SERPINF1: variants seen among roughly 807,000 people sequenced by gnomAD.
SERPINF1 encodes the protein serpin family F member 1.
SERPINF1 carries 29 observed loss-of-function variants against 37.3 expected under a neutral mutation model. The ratio of observed to expected loss-of-function variants is 0.78; its 90% confidence interval spans 0.58 to 1.06. SERPINF1 has a LOEUF of 1.06. SERPINF1 is among the 50% of genes least tolerant of loss of function. The pLI is 0.00. For missense variants in SERPINF1, 553 were observed against 532.2 expected (o/e 1.04, Z -0.38); for synonymous variants, 281 against 227.9 (o/e 1.23, Z -2.10).
chr17:1,772,522 A>AT (rs1885399323), intron 5 of SERPINF1, among the ~76,000 whole-genome samples: 1 of 152,014 alleles, frequency 6.6e-6, no homozygotes, highest in African/African-American at 2.4e-5. Context: ...AAGTGCTGGG[A>AT]TTACAGGCAT....
intron 4 of SERPINF1, 178 bp from the exon 5 acceptor site, chr17:1,771,694 G>A (rs1907744573): frequency 3.0e-6 from 2 of 672,758 alleles, no homozygotes; most frequent in South Asian, 1.6e-5. Context: ...GAAATCTGCT[G>A]CCCCCCTGGC....
rs528764546 is a variant in SERPINF1 at position 1,776,877 on chromosome 17, T to G, written c.997+135T>G. 3 of 844,216 alleles carry G rather than the reference T, an allele frequency of 3.6e-6. No individual in the cohort carries two copies. The East Asian group carries it at 7.7e-5, about 22-fold the overall frequency. The allele number at this position is 844,216 out of a possible 1,614,324, so 52.3% of individuals were successfully genotyped here. ...GCCGTGGATGAGTCCTTAATCCTCA[T>G]CGTGCCAGAAGGGAAGGCTGAACTG... On this transcript the variant is annotated intron_variant, in intron 7 of 7. Coordinates refer to ENST00000254722, the MANE Select transcript of SERPINF1 (RefSeq NM_002615.7).
intron 5 of SERPINF1, among the ~76,000 whole-genome samples, chr17:1,772,278 G>A (rs569753365): frequency 1.3e-4 from 20 of 151,430 alleles, no homozygotes; most frequent in African/African-American, 4.1e-4. Flanking sequence ...CACCACTCCC[G>A]GCTAATTTTT....
At chr17:1,777,055 C>A in intron 7 of SERPINF1, 132 bp from the exon 8 acceptor site, 2 of 1,414,598 alleles carry the variant, frequency 1.4e-6, no homozygotes, top group Non-Finnish European at 2.0e-6. Context: ...CACCCTCGGT[C>A]AGCTCAGACC....
intron 3 of SERPINF1, 43 bp downstream of exon 3, chr17:1,770,093 GC>G (rs746773678): frequency 3.1e-6 from 5 of 1,600,718 alleles, no homozygotes; most frequent in Admixed American, 1.7e-5. Context: ...ACCTGGAGAG[GC>G]CCCCTGTGGC....
At position 1,777,412 on chromosome 17, in the gene SERPINF1, T is replaced by G; in HGVS notation, c.1223T>G (p.Phe408Cys). 2 of 1,614,120 alleles carry G rather than the reference T, an allele frequency of 1.2e-6. No homozygotes were observed. The highest frequency in any genetic ancestry group is 8.5e-7 in the Non-Finnish European group (1 of 1,180,022). Residue 408 changes from phenylalanine to cysteine, a missense_variant, in exon 8 of 8, where the codon TTC becomes TGC. By Grantham distance (205) the Phe-to-Cys change is radical. Coordinates refer to ENST00000254722, the MANE Select transcript of SERPINF1 (RefSeq NM_002615.7). The part of the protein sequence containing the change: ...LRDTDTGALL[F>C]IGKILDPRGP ...GACACAGACACAGGGGCCCTTCTCTTCATTGGCAAGATTCTGGACCCCAGG... is the reference window on the plus strand; with the variant it reads ...GACACAGACACAGGGGCCCTTCTCTGCATTGGCAAGATTCTGGACCCCAGG...
intron 3 of SERPINF1, 126 bp from the exon 4 acceptor site, chr17:1,770,903 T>C: frequency 1.6e-6 from 2 of 1,217,480 alleles, no homozygotes; most frequent in South Asian, 1.2e-5. Context: ...TAGATTGTCT[T>C]GAAGATCAGC....
At chr17:1,777,135 G>T in intron 7 of SERPINF1, 52 bp from the exon 8 acceptor site, 1 of 1,613,522 alleles carries the variant, frequency 6.2e-7, no homozygotes, top group Non-Finnish European at 8.5e-7. Context: ...TCCCTTGGTT[G>T]GGGTGTTGGG....
chr17:1,773,187 G>C (rs1032741500), intron 5 of SERPINF1, among the ~76,000 whole-genome samples: 1 of 152,194 alleles, frequency 6.6e-6, no homozygotes, highest in African/African-American at 2.4e-5. Context: ...AGAGCAGAGA[G>C]GGAGGAAGAA....
chr17:1,767,431 C>T (rs566038715), intron 2 of SERPINF1, among the ~76,000 whole-genome samples: 12 of 152,288 alleles, frequency 7.9e-5, no homozygotes, highest in East Asian at 5.8e-4. Flanking sequence ...TGTGAGCCAC[C>T]GCACCTGGCC....
Position 1,776,592 on chromosome 17 carries a change from A to T in SERPINF1, c.847A>T (p.Thr283Ser), listed in dbSNP as rs1165684775. The change falls in exon 7 of 8, where the codon ACC (threonine) becomes TCC (serine). Residue 283 changes from threonine to serine, a missense_variant. By Grantham distance (58) the Thr-to-Ser change is moderately conservative. Transcript: ENST00000254722. Reference sequence around the variant, plus strand: ...CATCTTCTTCCTGCCCCTGAAAGTGACCCAGAATTTGACCTTGATAGAGGA... The same window carrying T: ...CATCTTCTTCCTGCCCCTGAAAGTGTCCCAGAATTTGACCTTGATAGAGGA... ...SIIFFLPLKV[T>S]QNLTLIEESL... 1 of 1,613,666 alleles carries T rather than the reference A, an allele frequency of 6.2e-7. No individual in the cohort carries two copies. The highest frequency in any genetic ancestry group is 1.3e-5 in the African/African-American group (1 of 74,770).
Position 1,777,198 on chromosome 17 carries a change from T to A in SERPINF1, c.1009T>A (p.Leu337Met). The A allele has an allele frequency of 6.2e-7, 1 of 1,614,134 alleles. No individual in the cohort carries two copies. The highest frequency in any genetic ancestry group is 1.1e-5 in the South Asian group (1 of 91,080). Reference sequence around the variant, plus strand: ...CTCCATCTCTACAGAGCTGCAATCCTTGTTTGATTCACCAGACTTTAGCAA... The same window carrying A: ...CTCCATCTCTACAGAGCTGCAATCCATGTTTGATTCACCAGACTTTAGCAA... ...KSLQEMKLQS[L>M]FDSPDFSKIT... Residue 337 changes from leucine (L) to methionine (M), a missense_variant, in exon 8 of 8, where the codon TTG becomes ATG. By Grantham distance (15) the Leu-to-Met change is conservative. Transcript: ENST00000254722.
intron 6 of SERPINF1, 133 bp from the exon 7 acceptor site, chr17:1,776,399 T>G (rs3891230): frequency 4.9e-6 from 4 of 813,564 alleles, no homozygotes; most frequent in Non-Finnish European, 8.5e-6. Context: ...GGGGAATTGT[T>G]AAATAGATGA....
chr17:1,771,929 CCA>C lies in SERPINF1; in HGVS notation c.498_499del (p.Arg167SerfsTer35). 1.2e-6 allele frequency: 2 copies of C among 1,613,984 alleles called. No homozygotes were observed. Among genetic ancestry groups the C allele is most frequent in the Non-Finnish European group, 1.7e-6 (2 of 1,180,010 alleles). On this transcript the variant is annotated frameshift_variant, in exon 5 of 8. Transcript: ENST00000254722. LOFTEE classifies it high-confidence loss of function. ...CTGGAAAAGTCATATGGGACCAGGC[CCA>C]GAGTCCTGACGGGCAACCCTCGCTT... is the stretch of plus-strand genomic sequence containing the variant.
In SERPINF1 at chr17:1,770,151, G is replaced by C; in HGVS notation, c.283+101G>C. 3.8e-6 allele frequency: 5 copies of C among 1,320,392 alleles called. No homozygotes were observed. In the South Asian group the frequency reaches 6.2e-5, roughly 16 times the overall value. 81.8% of individuals were successfully genotyped at this position (1,320,392 alleles called of 1,614,324 possible). A position where few individuals can be genotyped will look rare whatever the true frequency, so the allele number is the denominator to read the frequency against. On this transcript the variant is annotated intron_variant, in intron 3 of 7. Coordinates refer to ENST00000254722, the MANE Select transcript of SERPINF1 (RefSeq NM_002615.7). ...TTTATTGACATTTCAGTTCAGCGAGGGGTGAAGTAGCACCAGGGGCCTGGC... is the reference window on the plus strand; with the variant it reads ...TTTATTGACATTTCAGTTCAGCGAGCGGTGAAGTAGCACCAGGGGCCTGGC...
rs1400611650 is a variant in SERPINF1, at chr17:1,776,433, A to AG, written c.787-96dup. The AG allele has an allele frequency of 4.8e-6, 5 of 1,040,956 alleles. No individual in the cohort carries two copies. The African/African-American group carries it at 7.8e-5, about 16-fold the overall frequency. 64.5% of individuals were successfully genotyped at this position (1,040,956 alleles called of 1,614,324 possible). A position where few individuals can be genotyped will look rare whatever the true frequency, so the allele number is the denominator to read the frequency against. On this transcript the variant is annotated intron_variant, in intron 6 of 7. Coordinates refer to ENST00000254722, the MANE Select transcript of SERPINF1 (RefSeq NM_002615.7). The stretch of plus-strand genomic sequence containing the variant: ...GAGGGGCTGGATGAAGGACGAGACC[A>AG]GGGCCCCGTCACGGGAGAGGGAAGG...
rs370469171 is a variant in SERPINF1 at position 1,771,134 on chromosome 17, C to G, written c.389C>G (p.Thr130Ser). Residue 130 changes from threonine to serine, a missense_variant, in exon 4 of 8, where the codon ACT (threonine) becomes AGT (serine). Thr to Ser is a moderately conservative substitution (Grantham distance 58, BLOSUM62 1). Coordinates refer to ENST00000254722, the MANE Select transcript of SERPINF1 (RefSeq NM_002615.7). ...TATAAGGAGCTCCTTGACACGGTCA[C>G]TGCCCCCCAGAAGAACCTCAAGAGT... ...GTYKELLDTV[T>S]APQKNLKSAS... The G allele has an allele frequency of 1.2e-6, 2 of 1,614,138 alleles. No homozygotes were observed. Among genetic ancestry groups the G allele is most frequent in the Non-Finnish European group, 1.7e-6 (2 of 1,180,022 alleles).
rs1908044055 is a variant in SERPINF1 at position 1,776,601 on chromosome 17, TTGACCTTGATAG to T, written c.857_868del (p.Leu286_Glu290delinsTer). The T allele has an allele frequency of 6.2e-7, 1 of 1,613,820 alleles. No homozygotes were observed. The stretch of plus-strand genomic sequence containing the variant: ...CCTGCCCCTGAAAGTGACCCAGAAT[TTGACCTTGATAG>T]AGGAGAGCCTCACCTCCGAGTTCAT... On this transcript the variant is annotated stop_gained and inframe_deletion, in exon 7 of 8. Coordinates refer to ENST00000254722, the MANE Select transcript of SERPINF1 (RefSeq NM_002615.7). LOFTEE classifies it high-confidence loss of function.
rs564102120 is a variant in SERPINF1 at position 1,767,603 on chromosome 17, T to C, written c.84+609T>C. On this transcript the variant is annotated intron_variant, in intron 2 of 7. Transcript: ENST00000254722. The stretch of plus-strand genomic sequence containing the variant: ...GGCGCAGCTGGGTTCCCAAGGCAGA[T>C]ACAGGCACATGGAGGGAAGCCTGGG... 6.6e-5 allele frequency among the ~76,000 whole-genome samples: 10 copies of C among 152,296 alleles called. No homozygotes were observed. In the South Asian group the frequency reaches 1.9e-3, roughly 28 times the overall value.
Sources: gnomAD v4.1 joint callset for allele counts (sites outside exome capture counted in the v4.1 genomes callset) on GRCh38, gnomAD v4.1.1 for gene constraint, MANE v1.5 for transcripts, NCBI Gene and HGNC (gene_info 2026-07-23, HGNC 2026-07-21) for gene names.